The following CDC42BPA variants were observed in gnomAD, a reference collection of about 807,000 sequenced individuals.
CDC42BPA encodes the protein CDC42 binding protein kinase alpha.
In CDC42BPA, 80 loss-of-function variants were observed where a neutral mutation model predicts 223.5. That is an observed-to-expected ratio of 0.36 (90% confidence interval 0.30 to 0.43). The LOEUF (loss-of-function observed/expected upper bound fraction) is 0.43. CDC42BPA is among the 20% of genes least tolerant of loss of function. The probability of loss-of-function intolerance (pLI) is 1.00; values close to 1 mark genes in which losing one functional copy is unlikely to be tolerated. For synonymous variants in CDC42BPA, 694 were observed against 718.6 expected, an observed-to-expected ratio of 0.97 and a Z score of 0.55; for missense variants, 1,743 against 2,099.9, an observed-to-expected ratio of 0.83 and a Z score of 3.32.
rs118055431 is a variant in CDC42BPA at position 227,212,958 on chromosome 1, G to A, written c.354+178C>T. Among the ~76,000 whole-genome samples the A allele has an allele frequency of 2.2e-3, 334 of 152,118 alleles. 9 individuals carry two copies. The East Asian group carries it at 0.046, about 21-fold the overall frequency. ...TCCACTAATATTAAATTAGCATTAT[G>A]GATTGTAACCTTTATCATAATTATA... On this transcript the variant is annotated intron_variant, in intron 3 of 36. Coordinates refer to ENST00000366766, the MANE Select transcript of CDC42BPA (RefSeq NM_001394014.1).
At chr1:227,208,171 G>T (rs1673162105) in intron 3 of CDC42BPA, among the ~76,000 whole-genome samples, 1 of 148,852 alleles carries the variant, frequency 6.7e-6, no homozygotes, top group African/African-American at 2.5e-5. Flanking sequence ...CTTCTTTTGA[G>T]AAGTGTCTGT....
intron 2 of CDC42BPA, among the ~76,000 whole-genome samples, chr1:227,219,678 T>C (rs1327238817): frequency 3.3e-5 from 5 of 152,128 alleles, no homozygotes; most frequent in Non-Finnish European, 7.4e-5. Context: ...ACTGGGCCTA[T>C]ATATCTATTG....
intron 5 of CDC42BPA, among the ~76,000 whole-genome samples, chr1:227,181,058 AT>A (rs1383156878): frequency 5.9e-5 from 9 of 152,210 alleles, no homozygotes; most frequent in Admixed American, 1.3e-4. Flanking sequence ...GAACAAAAAA[AT>A]AATTGAAAAG....
intron 27 of CDC42BPA, 135 bp from the exon 28 acceptor site, chr1:227,031,649 C>T: frequency 1.5e-6 from 1 of 678,176 alleles, no homozygotes; most frequent in Non-Finnish European, 2.5e-6. Context: ...TGGAGTTCAG[C>T]TATTCCTAAT....
chr1:227,217,380 G>A (rs1675047125), intron 2 of CDC42BPA, among the ~76,000 whole-genome samples: 1 of 151,646 alleles, frequency 6.6e-6, no homozygotes, highest in Admixed American at 6.6e-5. Context: ...CCGGGAGACG[G>A]AGGTGTGGTG....
rs1409777521 is a variant in CDC42BPA, at chr1:227,145,742, A to G, written c.895-5T>C. ...GGCTGGAAACTGAAACCTCTCCTAA[A>G]CAGAGAAAAACAGAAACAAAATATA... On this transcript the variant is annotated splice_region_variant and splice_polypyrimidine_tract_variant and intron_variant, in intron 7 of 36. Transcript: ENST00000366766. 1 of 1,598,578 alleles carries G rather than the reference A, an allele frequency of 6.3e-7. No individual in the cohort carries two copies. The highest frequency in any genetic ancestry group is 1.1e-5 in the South Asian group (1 of 88,348).
chr1:227,017,450 C>G (rs992486713), intron 32 of CDC42BPA, among the ~76,000 whole-genome samples: 2 of 143,056 alleles, frequency 1.4e-5, no homozygotes, highest in Admixed American at 1.4e-4. Context: ...TTACCCTGAA[C>G]AGTAATCAGG....
chr1:227,259,639 A>C (rs1490059918), intron 1 of CDC42BPA, among the ~76,000 whole-genome samples: 1 of 150,912 alleles, frequency 6.6e-6, no homozygotes, highest in Admixed American at 6.6e-5. Context: ...GGTACATATT[A>C]TTAACCCTCA....
At chr1:227,043,288 CTA>C (rs1198492370) in intron 23 of CDC42BPA, among the ~76,000 whole-genome samples, 1 of 151,860 alleles carries the variant, frequency 6.6e-6, no homozygotes, top group African/African-American at 2.4e-5. Context: ...TGGCATGCGC[CTA>C]TAGTCCCAGC....
At chr1:227,294,859 CAAAAAAAAAAAA>C (rs397983087) in intron 1 of CDC42BPA, among the ~76,000 whole-genome samples, 1,221 of 12,828 alleles carry the variant, frequency 0.095, 136 homozygotes, top group Middle Eastern at 0.42. Flanking sequence ...GACTCCGTCT[CAAAAAAAAAAAA>C]AAAAAAAAAA....
chr1:227,156,326 A>G (rs1374635551), intron 6 of CDC42BPA, among the ~76,000 whole-genome samples: 3 of 151,296 alleles, frequency 2.0e-5, no homozygotes, highest in Middle Eastern at 3.2e-3. Flanking sequence ...CTAATTTTTT[A>G]TATTTTTTTG....
At chr1:227,149,031 T>A (rs1661243759) in intron 6 of CDC42BPA, among the ~76,000 whole-genome samples, 1 of 152,064 alleles carries the variant, frequency 6.6e-6, no homozygotes, top group Non-Finnish European at 1.5e-5. Flanking sequence ...AAAGACCTTA[T>A]CCTTAGCTTA....
intron 14 of CDC42BPA, among the ~76,000 whole-genome samples, chr1:227,107,982 T>C (rs1027321589): frequency 1.3e-5 from 2 of 152,202 alleles, no homozygotes; most frequent in African/African-American, 4.8e-5. Context: ...TCTTTAGCTC[T>C]TTTTATTGGG....
intron 2 of CDC42BPA, chr1:227,234,911 G>GT (rs1558831916): frequency 7.0e-5 from 9 of 128,588 alleles, no homozygotes; most frequent in Admixed American, 2.3e-4. Flanking sequence ...GAGATTTTGT[G>GT]ATTTTTTTTT....
intron 34 of CDC42BPA, among the ~76,000 whole-genome samples, chr1:227,013,540 T>G (rs1558281839): frequency 1.3e-5 from 2 of 152,082 alleles, no homozygotes; most frequent in African/African-American, 4.8e-5. Flanking sequence ...CTGAAAGAAC[T>G]CTGGAACATT....
chr1:227,221,883 CTA>C (rs1675956313), intron 2 of CDC42BPA, among the ~76,000 whole-genome samples: 1 of 151,666 alleles, frequency 6.6e-6, no homozygotes, highest in Non-Finnish European at 1.5e-5. Flanking sequence ...AAATATTACT[CTA>C]GTTTTCCCTC....
At chr1:227,306,679 A>G (rs530753435) in intron 1 of CDC42BPA, among the ~76,000 whole-genome samples, 1 of 152,360 alleles carries the variant, frequency 6.6e-6, no homozygotes, top group South Asian at 2.1e-4. Flanking sequence ...GCTTCACTAC[A>G]TACCCGAACT....
intron 35 of CDC42BPA, among the ~76,000 whole-genome samples, chr1:227,002,497 G>A (rs1018968545): frequency 3.3e-5 from 5 of 152,208 alleles, no homozygotes; most frequent in African/African-American, 1.2e-4. Flanking sequence ...TCTGTAGCCA[G>A]GCTCCAAGAT....
chr1:227,031,292 TC>T lies in CDC42BPA; in HGVS notation c.3775+5del. ...TAATAATATGATAAATGTTATAAAT[TC>T]ATACCTATGATTGCGGCTGCCTGGG... is the stretch of plus-strand genomic sequence containing the variant. On this transcript the variant is annotated splice_donor_5th_base_variant and intron_variant, in intron 28 of 36. Transcript: ENST00000366766. 1.9e-6 allele frequency: 3 copies of T among 1,600,402 alleles called. No individual in the cohort carries two copies. The highest frequency in any genetic ancestry group is 2.6e-6 in the Non-Finnish European group (3 of 1,167,818).
Sources: gnomAD v4.1 joint callset for allele counts (sites outside exome capture counted in the v4.1 genomes callset) on GRCh38, gnomAD v4.1.1 for gene constraint, MANE v1.5 for transcripts, NCBI Gene and HGNC (gene_info 2026-07-23, HGNC 2026-07-21) for gene names.